The following CNTNAP2 variants were observed in gnomAD, a reference collection of about 807,000 sequenced individuals.
The protein encoded by CNTNAP2 is contactin-associated protein-like 2.
In CNTNAP2, 98 loss-of-function variants were observed where a neutral mutation model predicts 155.2. The ratio of observed to expected loss-of-function variants is 0.63; its 90% CI spans 0.54 to 0.75. The LOEUF (loss-of-function observed/expected upper bound fraction) is 0.75, where lower values mean the gene tolerates loss of function less well. Ranked by LOEUF, CNTNAP2 falls within the 30% of genes least tolerant of loss-of-function variation. The pLI is 0.00. For synonymous variants in CNTNAP2, 651 were observed against 631.2 expected, an observed-to-expected ratio of 1.03 and a Z score of -0.47; for missense variants, 1,727 against 1,688.1, an observed-to-expected ratio of 1.02 and a Z score of -0.40.
intron 10 of CNTNAP2, among the ~76,000 whole-genome samples, chr7:147,480,636 G>C (rs1385715058): frequency 6.6e-6 from 1 of 152,166 alleles, no homozygotes; most frequent in African/African-American, 2.4e-5. Context: ...ATGGCAGGAG[G>C]ACCTATGGAA....
intron 1 of CNTNAP2, among the ~76,000 whole-genome samples, chr7:146,644,099 G>T (rs879530068): frequency 6.6e-6 from 1 of 152,088 alleles, no homozygotes; most frequent in Non-Finnish European, 1.5e-5. Context: ...CAATCATGTC[G>T]TCTGCAAACA....
chr7:146,843,596 CAAAA>C (rs10639255), intron 3 of CNTNAP2, among the ~76,000 whole-genome samples: 6 of 126,554 alleles, frequency 4.7e-5, no homozygotes, highest in Non-Finnish European at 9.8e-5. Flanking sequence ...CTTACTAATA[CAAAA>C]AAAAAAAAAA....
chr7:146,446,605 T>C (rs1035773634), intron 1 of CNTNAP2, among the ~76,000 whole-genome samples: 2 of 151,996 alleles, frequency 1.3e-5, no homozygotes, highest in African/African-American at 4.8e-5. Flanking sequence ...AAACAAAACA[T>C]GTGAGACATT....
At chr7:147,282,811 G>T (rs775897212) in intron 8 of CNTNAP2, among the ~76,000 whole-genome samples, 3 of 151,684 alleles carry the variant, frequency 2.0e-5, no homozygotes, top group Non-Finnish European at 2.9e-5. Flanking sequence ...GTCCAAGCTG[G>T]TCTTGAACTC....
rs935362211 is a variant in CNTNAP2 at position 146,839,900 on chromosome 7, T to C, written c.398T>C (p.Ile133Thr). ...AAACCCTATCATCAAGATGGGAATA[T>C]CTGGGTAAGTCATTGGCAGGAAAGC... The part of the protein sequence containing the change: ...NWKPYHQDGN[I>T]WAFPGNINSD... The change falls in exon 3 of 24, where the codon ATC becomes ACC. Residue 133 changes from isoleucine (I) to threonine (T), a missense_variant. By Grantham distance (89) the Ile-to-Thr change is moderately conservative. Coordinates refer to ENST00000361727, the MANE Select transcript of CNTNAP2 (RefSeq NM_014141.6). The C allele has an allele frequency of 3.7e-6, 6 of 1,614,032 alleles. No individual in the cohort carries two copies. Among genetic ancestry groups the C allele is most frequent in the Non-Finnish European group, 5.1e-6 (6 of 1,180,020 alleles).
intron 15 of CNTNAP2, among the ~76,000 whole-genome samples, chr7:148,054,087 C>T (rs1358252740): frequency 1.3e-5 from 2 of 151,908 alleles, no homozygotes; most frequent in African/African-American, 2.4e-5. Flanking sequence ...ATTCTCCTGC[C>T]TCAGCCTCCA....
chr7:146,972,463 G>C (rs906528689), intron 3 of CNTNAP2, among the ~76,000 whole-genome samples: 1 of 152,076 alleles, frequency 6.6e-6, no homozygotes, highest in Non-Finnish European at 1.5e-5. Flanking sequence ...TATATGTACA[G>C]AATGGAATAC....
intron 16 of CNTNAP2, among the ~76,000 whole-genome samples, chr7:148,140,426 T>TC (rs1269560323): frequency 2.0e-5 from 3 of 150,556 alleles, no homozygotes; most frequent in Non-Finnish European, 4.4e-5. Flanking sequence ...TTTTTCTTTT[T>TC]TTTTTTTTTT....
intron 3 of CNTNAP2, among the ~76,000 whole-genome samples, chr7:146,904,907 C>T (rs755069556): frequency 1.3e-5 from 2 of 152,166 alleles, no homozygotes; most frequent in Non-Finnish European, 2.9e-5. Flanking sequence ...CCAAGAGTAA[C>T]ATCTCAAGCT....
At chr7:148,362,096 C>T (rs1451451578) in intron 21 of CNTNAP2, among the ~76,000 whole-genome samples, 1 of 152,082 alleles carries the variant, frequency 6.6e-6, no homozygotes, top group Non-Finnish European at 1.5e-5. Flanking sequence ...GTAGTCTCAG[C>T]TACTTGGGAG....
chr7:148,317,407 A>C (rs1034510538), intron 21 of CNTNAP2, among the ~76,000 whole-genome samples: 3 of 152,164 alleles, frequency 2.0e-5, no homozygotes, highest in African/African-American at 7.2e-5. Flanking sequence ...ACTAGAAATC[A>C]AGAATCAGGC....
intron 3 of CNTNAP2, among the ~76,000 whole-genome samples, chr7:146,913,183 A>G (rs2129217708): frequency 6.6e-6 from 1 of 152,264 alleles, no homozygotes. Flanking sequence ...TCTTTTCAGA[A>G]GCGCATAGGG....
intron 1 of CNTNAP2, among the ~76,000 whole-genome samples, chr7:146,212,178 G>T (rs1201811547): frequency 1.3e-5 from 2 of 152,164 alleles, no homozygotes; most frequent in Admixed American, 6.5e-5. Context: ...AACTAATAGT[G>T]TGTGAAACAA....
intron 1 of CNTNAP2, among the ~76,000 whole-genome samples, chr7:146,320,521 A>G (rs981501947): frequency 6.6e-6 from 1 of 152,196 alleles, no homozygotes; most frequent in African/African-American, 2.4e-5. Flanking sequence ...TGTTACGGTT[A>G]CAATGTGAAT....
rs146443558 is a variant in CNTNAP2, at chr7:146,508,620, C to A, written c.98-265651C>A. ...ATGTGGCCTCCTGTTGTCTGGTGTC[C>A]CCCCAAGCTGGGCACCTTGACCAGT... On this transcript the variant is annotated intron_variant, in intron 1 of 23. Coordinates refer to ENST00000361727, the MANE Select transcript of CNTNAP2 (RefSeq NM_014141.6). 3.4e-3 allele frequency among the ~76,000 whole-genome samples: 523 copies of A among 152,236 alleles called. 1 individual carries two copies. Among genetic ancestry groups the A allele is most frequent in the African/African-American group, 0.011 (467 of 41,542 alleles).
intron 18 of CNTNAP2, among the ~76,000 whole-genome samples, chr7:148,192,989 C>G (rs528103490): frequency 2.6e-5 from 4 of 152,216 alleles, no homozygotes; most frequent in Non-Finnish European, 5.9e-5. Flanking sequence ...AACTTGTTCT[C>G]TTTTTAAAAA....
At chr7:147,354,866 G>T (rs781610187) in intron 9 of CNTNAP2, among the ~76,000 whole-genome samples, 4 of 152,192 alleles carry the variant, frequency 2.6e-5, no homozygotes, top group Non-Finnish European at 4.4e-5. Flanking sequence ...CATGTAAGTT[G>T]TATTCCTAAG....
intron 13 of CNTNAP2, among the ~76,000 whole-genome samples, chr7:147,792,699 A>C (rs1797838624): frequency 6.6e-6 from 1 of 151,992 alleles, no homozygotes; most frequent in Non-Finnish European, 1.5e-5. Flanking sequence ...TATGCTTTTA[A>C]TTTTCTTCAT....
chr7:147,336,391 A>G (rs1319804974), intron 9 of CNTNAP2, among the ~76,000 whole-genome samples: 2 of 152,160 alleles, frequency 1.3e-5, no homozygotes, highest in African/African-American at 2.4e-5. Context: ...GCCTTTCAAC[A>G]GGAGTTTAAG....
Sources: allele counts gnomAD v4.1 joint callset (sites outside exome capture counted in the v4.1 genomes callset), GRCh38; gene constraint gnomAD v4.1.1; transcripts MANE v1.5; gene names NCBI Gene and HGNC (gene_info 2026-07-23, HGNC 2026-07-21).